VCP: variants seen among roughly 807,000 people sequenced by gnomAD.
VCP encodes the protein transitional endoplasmic reticulum ATPase.
Under a neutral mutation model 85.7 loss-of-function variants are expected in VCP, and 6 were observed. The observed-to-expected ratio is 0.07, with a 90% CI of 0.04 to 0.14. The LOEUF (loss-of-function observed/expected upper bound fraction) is 0.14. VCP is among the 10% of genes least tolerant of loss of function. The pLI, the probability that VCP is intolerant of heterozygous loss-of-function variation, is 1.00. For missense variants in VCP, 353 were observed against 1,043.4 expected (o/e 0.34, Z 9.12); for synonymous variants, 384 against 367.1 (o/e 1.05, Z -0.53).
In VCP at chr9:35,060,979, G is replaced by A. The variant is rs764251946; in HGVS notation, c.1359+36C>T. On this transcript the variant is annotated intron_variant, in intron 11 of 16. Coordinates refer to ENST00000358901, the MANE Select transcript of VCP (RefSeq NM_007126.5). ...CTTATCAAGGGAGGGGTCAAAGCAC[G>A]TATGTGTGTACCTGAGGCACGGGTG... 28 of 1,614,172 alleles carry A rather than the reference G, an allele frequency of 1.7e-5. No homozygotes were observed. In the Middle Eastern group the frequency reaches 4.9e-4, roughly 29 times the overall value.
chr9:35,063,462 T>C (rs988753107), intron 6 of VCP, among the ~76,000 whole-genome samples: 2 of 152,202 alleles, frequency 1.3e-5, no homozygotes, highest in African/African-American at 4.8e-5. Context: ...GTCTATTTTC[T>C]TCATTGCCAG....
At chr9:35,066,563 G>T in intron 4 of VCP, 112 bp downstream of exon 4, 1 of 1,412,196 alleles carries the variant, frequency 7.1e-7, no homozygotes, top group Non-Finnish European at 9.6e-7. Flanking sequence ...ATAAATACAG[G>T]GGAAAAGCAT....
intron 7 of VCP, 122 bp from the exon 8 acceptor site, chr9:35,062,472 G>A (rs770449270): frequency 6.4e-5 from 94 of 1,465,788 alleles, no homozygotes; most frequent in Non-Finnish European, 8.4e-5. Flanking sequence ...GGTAACCTCT[G>A]CCTACTTCTC....
intron 13 of VCP, 43 bp downstream of exon 13, chr9:35,060,270 C>T (rs768698532): frequency 1.9e-6 from 3 of 1,603,142 alleles, no homozygotes; most frequent in Non-Finnish European, 2.6e-6. Flanking sequence ...CTATTCCTTG[C>T]CCTCAGGCAA....
intron 3 of VCP, 100 bp downstream of exon 3, chr9:35,067,791 G>A: frequency 1.3e-6 from 2 of 1,495,102 alleles, no homozygotes; most frequent in East Asian, 2.3e-5. Context: ...GCATCGACAG[G>A]TGCCAAGAAC....
intron 12 of VCP, 55 bp downstream of exon 12, chr9:35,060,746 C>G (rs1029954285): frequency 2.5e-6 from 4 of 1,613,684 alleles, no homozygotes; most frequent in African/African-American, 1.3e-5. Context: ...TGAGATCACC[C>G]AGATCAATTA....
intron 1 of VCP, chr9:35,071,898 G>C: frequency 2.0e-6 from 2 of 1,000,208 alleles, no homozygotes; most frequent in Non-Finnish European, 2.4e-6. Flanking sequence ...CACCGGGCCC[G>C]GCTGGGGCCT....
chr9:35,060,383 A>C lies in VCP; in HGVS notation c.1625T>G (p.Ile542Ser). The C allele has an allele frequency of 1.2e-6, 2 of 1,614,226 alleles. No individual in the cohort carries two copies. Among genetic ancestry groups the C allele is most frequent in the Non-Finnish European group, 1.7e-6 (2 of 1,180,038 alleles). The change falls in exon 13 of 17, where the codon ATC becomes AGC. Residue 542 changes from isoleucine to serine, a missense_variant. This residue lies in a region of VCP where 30 missense variants were observed against 192.3 expected (regional missense o/e 0.16). Transcript: ENST00000358901. ...ANECQANFISIKGPELLTMWF... is the reference protein window; with the variant it reads ...ANECQANFISSKGPELLTMWF... ...CATGGTGAGCAGCTCAGGACCCTTG[A>C]TGGAGATGAAGTTGGCCTGGCATTC...
intron 9 of VCP, 126 bp downstream of exon 9, chr9:35,061,877 A>G (rs779785331): frequency 3.2e-6 from 5 of 1,549,274 alleles, no homozygotes; most frequent in Non-Finnish European, 4.4e-6. Flanking sequence ...GACAGGACGT[A>G]GGGTAAAGGA....
intron 9 of VCP, 21 bp from the exon 10 acceptor site, chr9:35,061,710 A>AG (rs6150985): frequency 1.3e-5 from 20 of 1,598,948 alleles, no homozygotes; most frequent in Non-Finnish European, 1.6e-5. Context: ...GTACACAAAC[A>AG]TAAACAGGGC....
intron 5 of VCP, 53 bp from the exon 6 acceptor site, chr9:35,064,338 A>G (rs1305154507): frequency 1.6e-5 from 25 of 1,606,930 alleles, no homozygotes; most frequent in South Asian, 5.5e-5. Context: ...ATATCAGCAA[A>G]AGCTGAGTTT....
intron 15 of VCP, chr9:35,057,805 G>GA: frequency 2.0e-6 from 1 of 511,356 alleles, no homozygotes; most frequent in Non-Finnish European, 3.6e-6. Flanking sequence ...AACTTTTTGA[G>GA]ATAGTAGAAA....
chr9:35,062,430 T>C (rs566321261), intron 7 of VCP, 80 bp from the exon 8 acceptor site: 2 of 1,607,332 alleles, frequency 1.2e-6, no homozygotes, highest in African/African-American at 1.3e-5. Context: ...TCTTGCTTGT[T>C]TGGCCCAGAG....
Position 35,065,391 on chromosome 9 carries a change from C to T in VCP, c.446-10G>A, listed in dbSNP as rs779396698. 6.2e-7 allele frequency: 1 copy of T among 1,614,134 alleles called. No individual in the cohort carries two copies. The highest frequency in any genetic ancestry group is 8.5e-7 in the Non-Finnish European group (1 of 1,180,004). ...ACAAGAAAAATGTCTCCTGCGAGAG[C>T]AAACAGTACAAGCACAGTTAGAGGT... On this transcript the variant is annotated splice_polypyrimidine_tract_variant and intron_variant, in intron 4 of 16. Transcript: ENST00000358901.
chr9:35,061,483 C>G (rs550316267), intron 10 of VCP, 94 bp downstream of exon 10: 12 of 1,236,588 alleles, frequency 9.7e-6, no homozygotes, highest in Admixed American at 1.7e-5. Flanking sequence ...AATCAAAACC[C>G]ATCTCCTCAC....
intron 16 of VCP, 55 bp from the exon 17 acceptor site, chr9:35,057,277 T>A (rs1210227122): frequency 6.2e-7 from 1 of 1,613,742 alleles, no homozygotes; most frequent in Admixed American, 1.7e-5. Context: ...TGTGTAAGAT[T>A]TCCACAACTA....
At chr9:35,069,441 TC>T (rs1165717907) in intron 1 of VCP, among the ~76,000 whole-genome samples, 1 of 126,824 alleles carries the variant, frequency 7.9e-6, no homozygotes, top group East Asian at 2.3e-4. Context: ...AAGCTCCCTC[TC>T]CCTTTTTTTT....
chr9:35,057,884 T>C (rs1172954196), intron 15 of VCP: 1 of 374,932 alleles, frequency 2.7e-6, no homozygotes, highest in Non-Finnish European at 5.1e-6. Flanking sequence ...GGAAATGGTA[T>C]ATAGAAAGAG....
chr9:35,070,310 T>C (rs1828915305), intron 1 of VCP, among the ~76,000 whole-genome samples: 1 of 152,150 alleles, frequency 6.6e-6, no homozygotes, highest in Non-Finnish European at 1.5e-5. Context: ...TTGAGAGCAA[T>C]GTAAACCCAC....
Sources: gnomAD v4.1 joint callset for allele counts (sites outside exome capture counted in the v4.1 genomes callset) on GRCh38, gnomAD v4.1.1 for gene constraint, gnomAD v4.1.1 regional missense constraint, MANE v1.5 for transcripts, NCBI Gene and HGNC (gene_info 2026-07-23, HGNC 2026-07-21) for gene names.